Variants in MEAK7 observed in about 807,000 individuals in gnomAD.
The protein encoded by MEAK7 is MTOR-associated protein MEAK7.
MEAK7 carries 68 observed loss-of-function variants against 40.5 expected under a neutral mutation model. That is an observed-to-expected ratio of 1.68 (90% CI 1.38 to 2.06). The LOEUF (loss-of-function observed/expected upper bound fraction) is 2.06. Ranked by LOEUF, MEAK7 falls within the 30% of genes most tolerant of loss-of-function variation. The probability of loss-of-function intolerance (pLI) is 0.00; values close to 1 mark genes in which losing one functional copy is unlikely to be tolerated. For synonymous variants in MEAK7, 338 were observed against 231.9 expected (o/e 1.46, Z -4.16); for missense variants, 918 against 580.5 (o/e 1.58, Z -5.98).
At chr16:84,494,357 T>C (rs1484590834) in intron 3 of MEAK7, among the ~76,000 whole-genome samples, 1 of 152,240 alleles carries the variant, frequency 6.6e-6, no homozygotes, top group African/African-American at 2.4e-5. Context: ...TTTTCTACAA[T>C]TTGGACTGAA....
intron 1 of MEAK7, among the ~76,000 whole-genome samples, chr16:84,500,709 G>C (rs1413644867): frequency 6.6e-6 from 1 of 152,142 alleles, no homozygotes; most frequent in African/African-American, 2.4e-5. Flanking sequence ...AAAACCTCCA[G>C]CCTGGACTCA....
rs186107773 is a variant in MEAK7, at chr16:84,489,015, T to C, written c.529+263A>G. 1.1e-4 allele frequency among the ~76,000 whole-genome samples: 16 copies of C among 152,046 alleles called. No homozygotes were observed. The East Asian group carries it at 2.7e-3, about 26-fold the overall frequency. On this transcript the variant is annotated intron_variant, in intron 4 of 7. Transcript: ENST00000343629. ...GTTCTTCAAAAAGTACCGACAAAAA[T>C]GTGAAAACCCTTTAGCTAGACTAAG...
In MEAK7 at chr16:84,482,617, C is replaced by G; in HGVS notation, c.1052G>C (p.Gly351Ala). Residue 351 changes from glycine to alanine, a missense_variant, in exon 6 of 8, where the codon GGA becomes GCA. By Grantham distance (60) the Gly-to-Ala change is moderately conservative. Coordinates refer to ENST00000343629, the MANE Select transcript of MEAK7 (RefSeq NM_020947.4). ...YNDHYMYLNH[G>A]QQTIPNGLGM... ...CAGTCCGTTCGGGATCGTCTGCTGT[C>G]CATGGTTCAAGTACATGTAGTGGTC... 1 of 1,614,238 alleles carries G rather than the reference C, an allele frequency of 6.2e-7. No homozygotes were observed. Among genetic ancestry groups the G allele is most frequent in the Non-Finnish European group, 8.5e-7 (1 of 1,180,040 alleles).
chr16:84,478,615 C>G lies in MEAK7; in HGVS notation c.*1298G>C, dbSNP rs1912238576. 6.6e-6 allele frequency: 1 copy of G among 152,234 alleles called. No homozygotes were observed. Among genetic ancestry groups the G allele is most frequent in the African/African-American group, 2.4e-5 (1 of 41,450 alleles). The allele number at this position is 152,234 out of a possible 1,614,324, so 9.4% of individuals were successfully genotyped here. ...GGGAGATCTCATGGCCAACCGGTGA[C>G]TCACCGTGTGTTGTTTTCCAGACGT... On this transcript the variant is annotated 3_prime_UTR_variant, in exon 8 of 8. Transcript: ENST00000343629.
intron 4 of MEAK7, 111 bp downstream of exon 4, chr16:84,489,167 G>C: frequency 7.4e-7 from 1 of 1,353,120 alleles, no homozygotes; most frequent in Non-Finnish European, 9.7e-7. Context: ...AAGAAGGTTC[G>C]AGGGCTCACG....
At chr16:84,504,227 T>C in intron 1 of MEAK7, 2 of 911,212 alleles carry the variant, frequency 2.2e-6, no homozygotes, top group South Asian at 1.0e-4. Flanking sequence ...TACCCCAGAC[T>C]CGCCTCCTCC....
At chr16:84,500,632 C>G (rs905775742) in intron 1 of MEAK7, among the ~76,000 whole-genome samples, 1 of 152,152 alleles carries the variant, frequency 6.6e-6, no homozygotes, top group African/African-American at 2.4e-5. Flanking sequence ...TGGGTGCTCA[C>G]CCACGCCCCA....
Position 84,479,879 on chromosome 16 carries a change from C to G in MEAK7, c.*34G>C. Reference sequence around the variant, plus strand: ...GCGTTGCCCTCTACCCAGAGGAATCCAGGTCCTGGCTCCAGGAAGGCTCAG... The same window carrying G: ...GCGTTGCCCTCTACCCAGAGGAATCGAGGTCCTGGCTCCAGGAAGGCTCAG... On this transcript the variant is annotated 3_prime_UTR_variant, in exon 8 of 8. Transcript: ENST00000343629. The G allele has an allele frequency of 6.5e-7, 1 of 1,540,590 alleles. No individual in the cohort carries two copies. Among genetic ancestry groups the G allele is most frequent in the African/African-American group, 1.4e-5 (1 of 73,094 alleles).
intron 4 of MEAK7, 124 bp from the exon 5 acceptor site, chr16:84,487,183 G>A: frequency 1.1e-6 from 1 of 923,458 alleles, no homozygotes; most frequent in South Asian, 1.9e-5. Context: ...AGAAAACAGG[G>A]CTCGTGTGAA....
intron 6 of MEAK7, among the ~76,000 whole-genome samples, chr16:84,481,719 G>C (rs1017461016): frequency 6.6e-6 from 1 of 152,164 alleles, no homozygotes; most frequent in Non-Finnish European, 1.5e-5. Context: ...GGATCACGAG[G>C]TCAGGAGATG....
chr16:84,502,346 C>A (rs970439807), intron 1 of MEAK7, among the ~76,000 whole-genome samples: 2 of 152,078 alleles, frequency 1.3e-5, no homozygotes, highest in African/African-American at 4.8e-5. Flanking sequence ...GCTAAAAATC[C>A]TACAGTGCAC....
At chr16:84,481,340 T>C (rs922258493) in intron 6 of MEAK7, among the ~76,000 whole-genome samples, 1 of 151,806 alleles carries the variant, frequency 6.6e-6, no homozygotes, top group Non-Finnish European at 1.5e-5. Flanking sequence ...AGTTCTGACC[T>C]TGGGCAACCA....
intron 5 of MEAK7, among the ~76,000 whole-genome samples, chr16:84,485,774 G>C (rs692450): frequency 0.42 from 63,147 of 151,996 alleles, 13,643 homozygotes; most frequent in South Asian, 0.59. Context: ...CTCTGCTTCC[G>C]AGGTTCAAGC....
In MEAK7 at chr16:84,489,387, C is replaced by G; in HGVS notation, c.420G>C (p.Val140=). The change falls in exon 4 of 8, where the codon GTG becomes GTC. Residue 140 remains valine, a synonymous_variant. Transcript: ENST00000343629. ...TEDLVGSVVH[V]LSHRQELRGW... ...CTCTCAGCTCCTGTCTGTGGCTTAG[C>G]ACGTGCACCACAGAGCCAACCAGAT... is the stretch of plus-strand genomic sequence containing the variant. 6.2e-7 allele frequency: 1 copy of G among 1,613,910 alleles called. No homozygotes were observed. The highest frequency in any genetic ancestry group is 8.5e-7 in the Non-Finnish European group (1 of 1,179,894).
In MEAK7 at chr16:84,489,327, G is replaced by T. The variant is rs759366126; in HGVS notation, c.480C>A (p.Pro160=). The change falls in exon 4 of 8, where the codon CCC becomes CCA. Residue 160 remains proline (P), a synonymous_variant. Coordinates refer to ENST00000343629, the MANE Select transcript of MEAK7 (RefSeq NM_020947.4). ...WTGKEAPGPN[P]RVQVLAAQLL... ...GCTGAGCAGCCAGCACCTGCACCCG[G>T]GGGTTGGGCCCTGGGGCTTCCTTCC... The T allele has an allele frequency of 2.5e-6, 4 of 1,614,162 alleles. No homozygotes were observed. The South Asian group carries it at 3.3e-5, about 13-fold the overall frequency.
intron 2 of MEAK7, chr16:84,497,138 C>T (rs2445077): frequency 0.99 from 237,876 of 239,830 alleles, 117,993 homozygotes; most frequent in East Asian, 1. Context: ...TGGATGTAAC[C>T]CCCTGGCCAG....
chr16:84,498,844 C>T (rs1408631382), intron 1 of MEAK7, among the ~76,000 whole-genome samples: 1 of 152,212 alleles, frequency 6.6e-6, no homozygotes, highest in Admixed American at 6.5e-5. Flanking sequence ...CTTGAGAATA[C>T]TGCTACACAC....
At position 84,480,625 on chromosome 16, in the gene MEAK7, G is replaced by A. The variant is rs779679768; in HGVS notation, c.1161C>T (p.Cys387=). The stretch of plus-strand genomic sequence containing the variant: ...ACAGCTGCGGGCTGTTGTACGTGGT[G>A]CACGTGGGCTTGGCTCTGCTGTGTC... The part of the protein sequence containing the change: ...GKGHSRAKPT[C]TTYNSPQLSA... Residue 387 remains cysteine (C), a synonymous_variant, in exon 7 of 8, where the codon TGC becomes TGT. Coordinates refer to ENST00000343629, the MANE Select transcript of MEAK7 (RefSeq NM_020947.4). The A allele has an allele frequency of 3.7e-6, 6 of 1,614,094 alleles. No individual in the cohort carries two copies. Among genetic ancestry groups the A allele is most frequent in the South Asian group, 2.2e-5 (2 of 91,082 alleles).
chr16:84,486,536 G>C lies in MEAK7; in HGVS notation c.958+95C>G, dbSNP rs1913073458. 52 of 1,490,624 alleles carry C rather than the reference G, an allele frequency of 3.5e-5. No individual in the cohort carries two copies. In the South Asian group the frequency reaches 7.2e-4, roughly 21 times the overall value. 92.3% of individuals were successfully genotyped at this position (1,490,624 alleles called of 1,614,324 possible). On this transcript the variant is annotated intron_variant, in intron 5 of 7. Transcript: ENST00000343629. ...TCTAGAGAAACACTTGGAGAAGATG[G>C]GAGAGCCCTATTTAGCACCCCCACC...
Sources: allele counts gnomAD v4.1 joint callset (sites outside exome capture counted in the v4.1 genomes callset), GRCh38; gene constraint gnomAD v4.1.1; transcripts MANE v1.5; gene names NCBI Gene and HGNC (gene_info 2026-07-23, HGNC 2026-07-21).